The following GDF10 variants were observed in gnomAD, a reference collection of about 807,000 sequenced individuals.
GDF10 encodes growth differentiation factor 10.
A neutral mutation model predicts 32.1 loss-of-function variants in GDF10; 23 were observed. That is an observed-to-expected ratio of 0.72 (90% CI 0.52 to 1.02). The LOEUF is 1.02. GDF10 is among the 50% of genes least tolerant of loss of function. The pLI is 0.00. For missense variants in GDF10, 764 were observed against 673.9 expected (o/e 1.13, Z -1.48); for synonymous variants, 328 against 303.1 (o/e 1.08, Z -0.85).
Position 47,310,581 on chromosome 10 carries a change from C to G in GDF10, c.1105C>G (p.Gln369Glu). 1 of 1,614,206 alleles carries G rather than the reference C, an allele frequency of 6.2e-7. No individual in the cohort carries two copies. Among genetic ancestry groups the G allele is most frequent in the Non-Finnish European group, 8.5e-7 (1 of 1,180,026 alleles). Residue 369 changes from glutamine to glutamate, a missense_variant, in exon 2 of 3, where the codon CAG (glutamine) becomes GAG (glutamate). By Grantham distance (29) the Gln-to-Glu change is conservative. Transcript: ENST00000580279. ...GACGATGCAGAAAGCCCGGAGGAAGCAGTGGGATGAGCCGAGGGTGTGCTC... is the reference window on the plus strand; with the variant it reads ...GACGATGCAGAAAGCCCGGAGGAAGGAGTGGGATGAGCCGAGGGTGTGCTC... Reference protein sequence around the residue: ...EKTMQKARRKQWDEPRVCSRR... With the variant: ...EKTMQKARRKEWDEPRVCSRR...
intron 1 of GDF10, among the ~76,000 whole-genome samples, chr10:47,306,979 G>C (rs1588843750): frequency 6.6e-6 from 1 of 152,232 alleles, no homozygotes; most frequent in East Asian, 1.9e-4. Flanking sequence ...TCCGAGCTTG[G>C]GGGGTGACCT....
Position 47,309,312 on chromosome 10 carries a change from G to A in GDF10, c.320-484G>A, listed in dbSNP as rs117157561. ...TTAATGTGAAGTGTATTTAATGATT[G>A]CATTTAAAAACTGATTGCATAAATA... is the stretch of plus-strand genomic sequence containing the variant. On this transcript the variant is annotated intron_variant, in intron 1 of 2. Coordinates refer to ENST00000580279, the MANE Select transcript of GDF10 (RefSeq NM_004962.5). Among the ~76,000 whole-genome samples, 1,206 of 152,318 alleles carry A rather than the reference G, an allele frequency of 7.9e-3. 15 individuals carry two copies. Among genetic ancestry groups the A allele is most frequent in the Non-Finnish European group, 0.013 (913 of 68,024 alleles).
chr10:47,303,002 C>T (rs1421540306), intron 1 of GDF10, among the ~76,000 whole-genome samples: 1 of 152,206 alleles, frequency 6.6e-6, no homozygotes, highest in Non-Finnish European at 1.5e-5. Flanking sequence ...ATTAAATGGG[C>T]TAAGCAGGTT....
chr10:47,300,685 C>T lies in GDF10; in HGVS notation c.34C>T (p.Pro12Ser), dbSNP rs1555206735. Residue 12 changes from proline to serine, a missense_variant, in exon 1 of 3, where the codon CCC becomes TCC. Coordinates refer to ENST00000580279, the MANE Select transcript of GDF10 (RefSeq NM_004962.5). ...TGTCCCCGCTCGGACCAGCCCGGGACCCGGGCCCCAGCTGCTGCTGCTGCT... is the reference window on the plus strand; with the variant it reads ...TGTCCCCGCTCGGACCAGCCCGGGATCCGGGCCCCAGCTGCTGCTGCTGCT... ...AHVPARTSPG[P>S]GPQLLLLLLP... 1.9e-6 allele frequency: 3 copies of T among 1,603,498 alleles called. No individual in the cohort carries two copies. The highest frequency in any genetic ancestry group is 2.5e-6 in the Non-Finnish European group (3 of 1,176,790).
intron 1 of GDF10, 80 bp downstream of exon 1, chr10:47,301,050 T>G: frequency 1.1e-6 from 1 of 935,736 alleles, no homozygotes; most frequent in Non-Finnish European, 1.5e-6. Context: ...CGTGCACCTC[T>G]ACTTTTCCTC....
intron 1 of GDF10, 63 bp from the exon 2 acceptor site, chr10:47,309,733 G>C: frequency 8.8e-7 from 1 of 1,137,178 alleles, no homozygotes. Context: ...CCAGCCCTGG[G>C]TGGGAGACCC....
At chr10:47,302,952 C>T (rs781805975) in intron 1 of GDF10, among the ~76,000 whole-genome samples, 2 of 152,238 alleles carry the variant, frequency 1.3e-5, no homozygotes, top group Non-Finnish European at 2.9e-5. Flanking sequence ...GTTTACCTCT[C>T]TGAGCATCAG....
intron 1 of GDF10, among the ~76,000 whole-genome samples, chr10:47,302,372 G>T (rs146914665): frequency 1.3e-5 from 2 of 152,296 alleles, no homozygotes; most frequent in Non-Finnish European, 2.9e-5. Flanking sequence ...ACAAATAATC[G>T]TGCTAAGTAT....
At position 47,310,344 on chromosome 10, in the gene GDF10, C is replaced by A; in HGVS notation, c.868C>A (p.Arg290=). The A allele has an allele frequency of 6.2e-7, 1 of 1,604,624 alleles. No individual in the cohort carries two copies. The highest frequency in any genetic ancestry group is 2.2e-5 in the East Asian group (1 of 44,536). The change falls in exon 2 of 3, where the codon CGA becomes AGA. Residue 290 remains arginine, a synonymous_variant. Transcript: ENST00000580279. Reference sequence around the variant, plus strand: ...CAACTCAGCGGACCCCCGCGTGCGCCGAGCCGCGCAGGCCACTGGGCCCCT... The same window carrying A: ...CAACTCAGCGGACCCCCGCGTGCGCAGAGCCGCGCAGGCCACTGGGCCCCT... The part of the protein sequence containing the change: ...PNNSADPRVR[R]AAQATGPLQD...
intron 1 of GDF10, among the ~76,000 whole-genome samples, chr10:47,304,417 A>AGAC (rs1444434185): frequency 6.6e-6 from 1 of 151,986 alleles, no homozygotes; most frequent in East Asian, 1.9e-4. Context: ...GGAAGAGGAG[A>AGAC]GACTGCAGGG....
At position 47,300,565 on chromosome 10, in the gene GDF10, T is replaced by A; in HGVS notation, c.-87T>A. 9 of 1,292,540 alleles carry A rather than the reference T, an allele frequency of 7.0e-6. No homozygotes were observed. The highest frequency in any genetic ancestry group is 8.4e-6 in the Non-Finnish European group (8 of 957,528). 80.1% of individuals were successfully genotyped at this position (1,292,540 alleles called of 1,614,324 possible). ...CCCGGGCTCTCCCCGCGCGCCCTAC[T>A]GCCGCGAGGTCAGTCCGCAGCCTCC... is the stretch of plus-strand genomic sequence containing the variant. On this transcript the variant is annotated 5_prime_UTR_variant, in exon 1 of 3. Coordinates refer to ENST00000580279, the MANE Select transcript of GDF10 (RefSeq NM_004962.5).
In GDF10 at chr10:47,312,663, T is replaced by C; in HGVS notation, c.1308T>C (p.Pro436=). 1.2e-6 allele frequency: 2 copies of C among 1,610,034 alleles called. No homozygotes were observed. The highest frequency in any genetic ancestry group is 2.2e-5 in the East Asian group (1 of 44,654). ...QSIVRAVGII[P]GIPEPCCVPD... ...TTGTCAGGGCTGTGGGCATCATCCC[T>C]GGCATCCCAGAGCCCTGCTGTGTTC... The change falls in exon 3 of 3, where the codon CCT becomes CCC. Residue 436 remains proline, a synonymous_variant. Transcript: ENST00000580279.
Position 47,310,642 on chromosome 10 carries a change from G to C in GDF10, c.1166G>C (p.Gly389Ala), listed in dbSNP as rs781996416. The C allele has an allele frequency of 1.2e-6, 2 of 1,614,136 alleles. No homozygotes were observed. Among genetic ancestry groups the C allele is most frequent in the South Asian group, 1.1e-5 (1 of 91,082 alleles). The change falls in exon 2 of 3, where the codon GGC (glycine) becomes GCC (alanine). Residue 389 changes from glycine (G) to alanine (A), a missense_variant. Transcript: ENST00000580279. ...CTGAAGGTGGACTTCGCAGACATCG[G>C]CTGGAATGAATGGATAATCTCACCG... ...RYLKVDFADI[G>A]WNEWIISPKS... is the part of the protein sequence containing the mutation.
At position 47,300,844 on chromosome 10, in the gene GDF10, G is replaced by A. The variant is rs782454548; in HGVS notation, c.193G>A (p.Ala65Thr). The stretch of plus-strand genomic sequence containing the variant: ...CCAGCGGCACCCTGGGGACGCGGCC[G>A]CCACGTTGGGCCCCAGCGCCCAGGA... ...DLQRHPGDAA[A>T]TLGPSAQDMV... is the part of the protein sequence containing the mutation. Residue 65 changes from alanine to threonine, a missense_variant, in exon 1 of 3, where the codon GCC becomes ACC. Ala to Thr is a moderately conservative substitution (Grantham distance 58). Transcript: ENST00000580279. 3.2e-6 allele frequency: 5 copies of A among 1,579,630 alleles called. No homozygotes were observed. The highest frequency in any genetic ancestry group is 1.1e-5 in the South Asian group (1 of 87,742).
At position 47,310,226 on chromosome 10, in the gene GDF10, T is replaced by C; in HGVS notation, c.750T>C (p.Asp250=). ...YAPYILVYAN[D]LAISEPNSVA... is the part of the protein sequence containing the mutation. ...CCTACATCCTAGTCTATGCCAACGA[T>C]CTGGCCATCTCGGAGCCCAACAGCG... Residue 250 remains aspartate, a synonymous_variant, in exon 2 of 3, where the codon GAT becomes GAC. Transcript: ENST00000580279. The C allele has an allele frequency of 6.2e-7, 1 of 1,610,294 alleles. No homozygotes were observed. Among genetic ancestry groups the C allele is most frequent in the Non-Finnish European group, 8.5e-7 (1 of 1,178,542 alleles).
intron 2 of GDF10, 139 bp downstream of exon 2, chr10:47,310,860 T>C (rs2061043921): frequency 1.6e-6 from 1 of 631,016 alleles, no homozygotes; most frequent in African/African-American, 1.8e-5. Context: ...AGGCAGGAAA[T>C]AGGTAGACAT....
chr10:47,312,541 T>A (rs556252309), intron 2 of GDF10, 60 bp from the exon 3 acceptor site: 7 of 1,055,354 alleles, frequency 6.6e-6, no homozygotes, highest in Non-Finnish European at 9.6e-6. Context: ...GAGGATGGCA[T>A]GGGTGCGTGG....
At chr10:47,302,112 G>A (rs1555206896) in intron 1 of GDF10, among the ~76,000 whole-genome samples, 2 of 152,208 alleles carry the variant, frequency 1.3e-5, no homozygotes, top group Admixed American at 1.3e-4. Flanking sequence ...TAACTTTCTT[G>A]CACCATGTGG....
rs1453337439 is a variant in GDF10, at chr10:47,300,551, C to T, written c.-101C>T. Reference sequence around the variant, plus strand: ...CCAGCGCCCTGCTGCCCGGGCTCTCCCCGCGCGCCCTACTGCCGCGAGGTC... The same window carrying T: ...CCAGCGCCCTGCTGCCCGGGCTCTCTCCGCGCGCCCTACTGCCGCGAGGTC... On this transcript the variant is annotated 5_prime_UTR_variant, in exon 1 of 3. Coordinates refer to ENST00000580279, the MANE Select transcript of GDF10 (RefSeq NM_004962.5). The T allele has an allele frequency of 2.7e-6, 3 of 1,117,756 alleles. No homozygotes were observed. The African/African-American group carries it at 5.0e-5, about 18-fold the overall frequency. 69.2% of individuals were successfully genotyped at this position (1,117,756 alleles called of 1,614,324 possible).
Sources: allele counts gnomAD v4.1 joint callset (sites outside exome capture counted in the v4.1 genomes callset), GRCh38; gene constraint gnomAD v4.1.1; transcripts MANE v1.5; gene names NCBI Gene and HGNC (gene_info 2026-07-23, HGNC 2026-07-21).